Variants in FKRP observed in about 807,000 individuals in gnomAD.
FKRP encodes the protein ribitol 5-phosphate transferase FKRP.
FKRP carries 25 observed loss-of-function variants against 30.6 expected under a neutral mutation model. The observed-to-expected ratio is 0.82, with a 90% CI of 0.60 to 1.14. FKRP has a LOEUF of 1.14. Ranked by LOEUF, FKRP falls within the 50% of genes most tolerant of loss-of-function variation. The pLI is 0.00. For missense variants in FKRP, 771 were observed against 727.8 expected (o/e 1.06, Z -0.68); for synonymous variants, 358 against 342.5 (o/e 1.05, Z -0.50).
In FKRP at chr19:46,755,478, C is replaced by T; in HGVS notation, c.28C>T (p.Leu10=). Residue 10 remains leucine, a synonymous_variant, in exon 4 of 4, where the codon CTG becomes TTG. Coordinates refer to ENST00000318584, the MANE Select transcript of FKRP (RefSeq NM_024301.5). ...GCGGCTCACCCGCTGCCAGGCTGCC[C>T]TGGCGGCCGCCATCACCCTCAACCT... MRLTRCQAA[L]AAAITLNLLV... 6.2e-7 allele frequency: 1 copy of T among 1,609,180 alleles called. No individual in the cohort carries two copies. The highest frequency in any genetic ancestry group is 8.5e-7 in the Non-Finnish European group (1 of 1,179,366).
intron 1 of FKRP, 23 bp downstream of exon 1, chr19:46,746,113 C>CGGGTT: frequency 6.9e-7 from 1 of 1,450,902 alleles, no homozygotes; most frequent in Non-Finnish European, 9.1e-7. Flanking sequence ...CGGGCCGGGC[C>CGGGTT]GGGTTGGGGG....
intron 3 of FKRP, chr19:46,753,768 G>A (rs1443091465): frequency 6.6e-6 from 1 of 152,260 alleles, no homozygotes; most frequent in Non-Finnish European, 1.5e-5. Flanking sequence ...AGGGAGCTGT[G>A]GAAATGGGGA....
At position 46,755,587 on chromosome 19, in the gene FKRP, GC is replaced by G. The variant is rs1555738103; in HGVS notation, c.142del (p.Arg48ValfsTer20). 1.9e-6 allele frequency: 3 copies of G among 1,606,052 alleles called. No individual in the cohort carries two copies. The highest frequency in any genetic ancestry group is 1.7e-5 in the Admixed American group (1 of 59,278). ...GGGCCCCGTCGTGCCTCTGCTGCCG[GC>G]CCCCGTGTCACCGTCCTGGTGCGGG... ...ARGPRRASAA[G>X]PRVTVLVREF... On this transcript the variant is annotated frameshift_variant, in exon 4 of 4. Coordinates refer to ENST00000318584, the MANE Select transcript of FKRP (RefSeq NM_024301.5). LOFTEE classifies it high-confidence loss of function.
In FKRP at chr19:46,755,652, G is replaced by C; in HGVS notation, c.202G>C (p.Asp68His). The C allele has an allele frequency of 1.3e-6, 2 of 1,598,084 alleles. No homozygotes were observed. The highest frequency in any genetic ancestry group is 1.7e-6 in the Non-Finnish European group (2 of 1,177,756). Residue 68 changes from aspartate (D) to histidine (H), a missense_variant, in exon 4 of 4, where the codon GAC becomes CAC. Physicochemically the swap from Asp to His is moderately conservative, Grantham distance 81 (BLOSUM62 -1). Coordinates refer to ENST00000318584, the MANE Select transcript of FKRP (RefSeq NM_024301.5). ...TGACAACGCGGTGCCCGAGCTGGTA[G>C]ACTCCTTCCTGCAGCAAGACCCAGC... is the stretch of plus-strand genomic sequence containing the variant. ...AFDNAVPELV[D>H]SFLQQDPAQP...
chr19:46,748,439 AT>A (rs1320945140), intron 2 of FKRP, 75 bp from the exon 3 acceptor site: 2 of 151,988 alleles, frequency 1.3e-5, no homozygotes, highest in Non-Finnish European at 2.9e-5. Context: ...GCCTCCCAGA[AT>A]GCTAGAATTA....
Position 46,755,807 on chromosome 19 carries a change from C to A in FKRP, c.357C>A (p.Thr119=). The stretch of plus-strand genomic sequence containing the variant: ...CAGCCGCAGCCTCGCGCCCGGAGAC[C>A]TACGTGGCCACCGAGTTTGTGGCCC... ...DRPAAASRPE[T]YVATEFVALV... Residue 119 remains threonine (T), a synonymous_variant, in exon 4 of 4, where the codon ACC becomes ACA. Coordinates refer to ENST00000318584, the MANE Select transcript of FKRP (RefSeq NM_024301.5). 6.6e-7 allele frequency: 1 copy of A among 1,514,736 alleles called. No individual in the cohort carries two copies. The highest frequency in any genetic ancestry group is 8.8e-7 in the Non-Finnish European group (1 of 1,134,362). 93.8% of individuals were successfully genotyped at this position (1,514,736 alleles called of 1,614,324 possible).
In FKRP at chr19:46,757,474, G is replaced by C. The variant is rs2054951868; in HGVS notation, c.*536G>C. 1 of 178,234 alleles carries C rather than the reference G, an allele frequency of 5.6e-6. No individual in the cohort carries two copies. Among genetic ancestry groups the C allele is most frequent in the Non-Finnish European group, 1.3e-5 (1 of 74,668 alleles). The allele number at this position is 178,234 out of a possible 1,614,324, so 11.0% of individuals were successfully genotyped here. On this transcript the variant is annotated 3_prime_UTR_variant, in exon 4 of 4. Transcript: ENST00000318584. ...ACCCTTGGCTGCAGGGGTTGCTTCC[G>C]CCACTAGAGGGCGCGCCGGTCCCGC... is the stretch of plus-strand genomic sequence containing the variant.
chr19:46,747,659 C>G (rs1171403325), intron 1 of FKRP: 1 of 152,184 alleles, frequency 6.6e-6, no homozygotes. Context: ...CCGCCTCGGC[C>G]TCCCAAAGTG....
intron 3 of FKRP, among the ~76,000 whole-genome samples, chr19:46,753,504 G>A (rs2054837661): frequency 6.6e-6 from 1 of 150,618 alleles, no homozygotes; most frequent in African/African-American, 2.4e-5. Context: ...TTGAGAAAAT[G>A]TTCAGGGTGA....
chr19:46,755,970 A>C lies in FKRP; in HGVS notation c.520A>C (p.Ser174Arg). 1 of 1,539,598 alleles carries C rather than the reference A, an allele frequency of 6.5e-7. No individual in the cohort carries two copies. The part of the protein sequence containing the change: ...NPARCLALNV[S>R]LREWTARYGA... The stretch of plus-strand genomic sequence containing the variant: ...TGCCAGGTGCCTGGCCCTGAACGTC[A>C]GCCTGCGAGAGTGGACCGCCCGCTA... Residue 174 changes from serine (S) to arginine (R), a missense_variant, in exon 4 of 4, where the codon AGC becomes CGC. Transcript: ENST00000318584.
chr19:46,756,064 G>A lies in FKRP; in HGVS notation c.614G>A (p.Arg205His). 1.3e-6 allele frequency: 2 copies of A among 1,572,876 alleles called. No individual in the cohort carries two copies. The highest frequency in any genetic ancestry group is 1.7e-6 in the Non-Finnish European group (2 of 1,168,628). ...GATGCTGTGGTGCTCCTGCGCGCCC[G>A]CGACCTCTTCAACCTCTCGGCGCCC... ...DGDAVVLLRA[R>H]DLFNLSAPLA... The change falls in exon 4 of 4, where the codon CGC becomes CAC. Residue 205 changes from arginine (R) to histidine (H), a missense_variant. Arg to His is a conservative substitution (Grantham distance 29, BLOSUM62 0). Transcript: ENST00000318584. The surrounding 1 kb of genome is among the most constrained non-coding windows in gnomAD (Gnocchi z 6.6).
intron 3 of FKRP, among the ~76,000 whole-genome samples, chr19:46,752,130 T>C (rs952654909): frequency 6.6e-6 from 1 of 152,096 alleles, no homozygotes; most frequent in Middle Eastern, 3.2e-3. Context: ...ATGGGCCACA[T>C]TGAGTACCTT....
At chr19:46,746,278 T>TC (rs2054609958) in intron 1 of FKRP, 188 bp downstream of exon 1, 1 of 1,446,110 alleles carries the variant, frequency 6.9e-7, no homozygotes, top group Non-Finnish European at 9.1e-7. Context: ...CGGGGCTGCC[T>TC]CCGCCGCCGC....
chr19:46,755,564 G>GC lies in FKRP; in HGVS notation c.118dup (p.Arg40ProfsTer21). 1 of 1,605,978 alleles carries GC rather than the reference G, an allele frequency of 6.2e-7. No individual in the cohort carries two copies. Among genetic ancestry groups the GC allele is most frequent in the Non-Finnish European group, 8.5e-7 (1 of 1,176,780 alleles). On this transcript the variant is annotated frameshift_variant, in exon 4 of 4. Coordinates refer to ENST00000318584, the MANE Select transcript of FKRP (RefSeq NM_024301.5). LOFTEE classifies it high-confidence loss of function. ...AGCCTAGGAATTCCCGGGCCCGGGG[G>GC]CCCCGTCGTGCCTCTGCTGCCGGCC...
chr19:46,756,296 G>T lies in FKRP; in HGVS notation c.846G>T (p.Gly282=). The change falls in exon 4 of 4, where the codon GGG becomes GGT. Residue 282 remains glycine, a synonymous_variant. Transcript: ENST00000318584. This position sits in a 1 kb window ranked among gnomAD's most constrained non-coding sequence, Gnocchi z 6.6. ...LGIRLVSWEG[G]RLEWFGCNKE... ...TCCGCCTAGTGAGCTGGGAAGGCGGGCGGCTGGAGTGGTTCGGCTGCAACA... is the reference window on the plus strand; with the variant it reads ...TCCGCCTAGTGAGCTGGGAAGGCGGTCGGCTGGAGTGGTTCGGCTGCAACA... 1 of 1,535,262 alleles carries T rather than the reference G, an allele frequency of 6.5e-7. No homozygotes were observed. Among genetic ancestry groups the T allele is most frequent in the Non-Finnish European group, 8.7e-7 (1 of 1,145,336 alleles).
intron 1 of FKRP, chr19:46,746,457 C>T: frequency 1.0e-6 from 1 of 994,644 alleles, no homozygotes; most frequent in Non-Finnish European, 1.2e-6. Flanking sequence ...GCCTGCGCGC[C>T]CGCTGTGCCT....
chr19:46,752,213 C>T (rs1455977891), intron 3 of FKRP, among the ~76,000 whole-genome samples: 1 of 152,196 alleles, frequency 6.6e-6, no homozygotes, highest in Non-Finnish European at 1.5e-5. Flanking sequence ...TGAGTTGTGA[C>T]AGGATCTCTC....
chr19:46,756,124 A>C lies in FKRP; in HGVS notation c.674A>C (p.Gln225Pro). 1 of 1,517,214 alleles carries C rather than the reference A, an allele frequency of 6.6e-7. No individual in the cohort carries two copies. Among genetic ancestry groups the C allele is most frequent in the Non-Finnish European group, 8.7e-7 (1 of 1,143,400 alleles). 94.0% of individuals were successfully genotyped at this position (1,517,214 alleles called of 1,614,324 possible). The stretch of plus-strand genomic sequence containing the variant: ...CCGGTGGGCACCAGCCTCTTTCTGC[A>C]GACCGCCCTTCGCGGCTGGGCGGTG... ...ARPVGTSLFL[Q>P]TALRGWAVQL... The change falls in exon 4 of 4, where the codon CAG (glutamine) becomes CCG (proline). Residue 225 changes from glutamine (Q) to proline (P), a missense_variant. Gln to Pro is a moderately conservative substitution (Grantham distance 76, BLOSUM62 -1). Transcript: ENST00000318584. This position sits in a 1 kb window ranked among gnomAD's most constrained non-coding sequence, Gnocchi z 6.6.
chr19:46,745,923 T>A, upstream of FKRP: 5 of 339,294 alleles, frequency 1.5e-5, no homozygotes, highest in South Asian at 5.7e-5. Flanking sequence ...CCCCGGTCCC[T>A]CCACTCCCAC....
Sources: gnomAD v4.1 joint callset for allele counts (sites outside exome capture counted in the v4.1 genomes callset) on GRCh38, gnomAD v4.1.1 for gene constraint, Gnocchi (gnomAD v3.1) non-coding constraint, MANE v1.5 for transcripts, NCBI Gene and HGNC (gene_info 2026-07-23, HGNC 2026-07-21) for gene names.